LILRB1: variants seen among roughly 807,000 people sequenced by gnomAD.
The protein encoded by LILRB1 is leukocyte immunoglobulin like receptor B1.
In LILRB1, 59 loss-of-function variants were observed where a neutral mutation model predicts 74.6. The ratio of observed to expected loss-of-function variants is 0.79; its 90% CI spans 0.64 to 0.98. The LOEUF is 0.98. Ranked by LOEUF, LILRB1 falls within the 50% of genes least tolerant of loss-of-function variation. The probability of loss-of-function intolerance (pLI) is 0.00; values close to 1 mark genes in which losing one functional copy is unlikely to be tolerated. For synonymous variants in LILRB1, 328 were observed against 333.9 expected, an observed-to-expected ratio of 0.98 and a Z score of 0.19; for missense variants, 804 against 822.6, an observed-to-expected ratio of 0.98 and a Z score of 0.28.
chr19:54,628,581 C>T (rs941967379), upstream of LILRB1, among the ~76,000 whole-genome samples: 6 of 152,144 alleles, frequency 3.9e-5, no homozygotes, highest in African/African-American at 1.2e-4. Context: ...ACAAAGCACA[C>T]TGCAGAGGAC....
chr19:54,629,650 G>T (rs1297109931), upstream of LILRB1, among the ~76,000 whole-genome samples: 1 of 150,642 alleles, frequency 6.6e-6, no homozygotes, highest in Non-Finnish European at 1.5e-5. Context: ...TGTAGCTGGA[G>T]GACGCAGCCT....
intron 8 of LILRB1, 25 bp downstream of exon 8, chr19:54,633,713 C>G (rs2064127959): frequency 3.1e-6 from 5 of 1,608,210 alleles, no homozygotes; most frequent in African/African-American, 1.3e-5. Flanking sequence ...CTTCTGAACT[C>G]AAGGGAGTGC....
chr19:54,628,497 A>G (rs1247815239), upstream of LILRB1, among the ~76,000 whole-genome samples: 1 of 152,012 alleles, frequency 6.6e-6, no homozygotes, highest in East Asian at 1.9e-4. Context: ...CCCTATGACC[A>G]CCTCTTTGGG....
intron 1 of LILRB1, 45 bp from the exon 2 acceptor site, chr19:54,630,981 C>A: frequency 1.3e-6 from 2 of 1,558,492 alleles, no homozygotes; most frequent in South Asian, 2.3e-5. Context: ...AAGAAGGACC[C>A]AGCCTCCGAT....
At chr19:54,618,575 C>G (rs867096640) in intron 1 of LILRB1, among the ~76,000 whole-genome samples, 1 of 152,054 alleles carries the variant, frequency 6.6e-6, no homozygotes, top group Non-Finnish European at 1.5e-5. Context: ...TTTGGGAGGC[C>G]GAGGCTGGTG....
At chr19:54,617,036 C>T (rs2063326323), upstream of LILRB1, 1 of 152,264 alleles carries the variant, frequency 6.6e-6, no homozygotes, top group African/African-American at 2.4e-5. Context: ...GAAACTGAGA[C>T]ACATGAGAGG....
At chr19:54,634,565 G>T in intron 9 of LILRB1, 76 bp from the exon 10 acceptor site, 1 of 1,532,842 alleles carries the variant, frequency 6.5e-7, no homozygotes, top group Non-Finnish European at 8.8e-7. Flanking sequence ...TGAACAGAAG[G>T]TCCAGCAGTC....
rs561805224 is a variant in LILRB1 at position 54,637,733 on chromosome 19, T to G, written c.*855T>G. Reference sequence around the variant, plus strand: ...TCACACTCATGAATTCTAACTACAATGAAAAAGAGAAAGAAAGAGCAGGCA... The same window carrying G: ...TCACACTCATGAATTCTAACTACAAGGAAAAAGAGAAAGAAAGAGCAGGCA... On this transcript the variant is annotated 3_prime_UTR_variant, in exon 15 of 15. Transcript: ENST00000324602. Among the ~76,000 whole-genome samples, 2 of 151,806 alleles carry G rather than the reference T, an allele frequency of 1.3e-5. No homozygotes were observed. The highest frequency in any genetic ancestry group is 2.4e-5 in the African/African-American group (1 of 41,274).
In LILRB1 at chr19:54,631,731, G is replaced by A. The variant is rs769310682; in HGVS notation, c.302G>A (p.Gly101Asp). The change falls in exon 4 of 15, where the codon GGT becomes GAT. Residue 101 changes from glycine (G) to aspartate (D), a missense_variant. Transcript: ENST00000324602. ...EHTGRYRCYY[G>D]SDTAGRSESS... Reference sequence around the variant, plus strand: ...ACAGGGCGGTATCGCTGTTACTATGGTAGCGACACTGCAGGCCGCTCAGAG... The same window carrying A: ...ACAGGGCGGTATCGCTGTTACTATGATAGCGACACTGCAGGCCGCTCAGAG... 9.3e-6 allele frequency: 15 copies of A among 1,614,162 alleles called. No homozygotes were observed. The highest frequency in any genetic ancestry group is 8.3e-5 in the Admixed American group (5 of 60,014).
At chr19:54,636,309 G>C (rs538326944) in intron 13 of LILRB1, 185 bp from the exon 14 acceptor site, 2 of 1,241,096 alleles carry the variant, frequency 1.6e-6, no homozygotes, top group South Asian at 1.6e-5. Flanking sequence ...AATGGGCAAC[G>C]TCAGAGTGAG....
Position 54,637,838 on chromosome 19 carries a change from CG to C in LILRB1, c.*962del, listed in dbSNP as rs2064559183. On this transcript the variant is annotated 3_prime_UTR_variant, in exon 15 of 15. Coordinates refer to ENST00000324602, the MANE Select transcript of LILRB1 (RefSeq NM_001081637.3). Reference sequence around the variant, plus strand: ...TTTCCAAAACTAACAATGGAACAGGCGGCAAACCTATGCCAATATACTAGAA... The same window carrying C: ...TTTCCAAAACTAACAATGGAACAGGCGCAAACCTATGCCAATATACTAGAA... 6.6e-6 allele frequency among the ~76,000 whole-genome samples: 1 copy of C among 152,116 alleles called. No homozygotes were observed. Among genetic ancestry groups the C allele is most frequent in the Admixed American group, 6.5e-5 (1 of 15,280 alleles).
rs549867302 is a variant in LILRB1 at position 54,635,053 on chromosome 19, G to A, written c.1487-51G>A. 1.4e-4 allele frequency: 182 copies of A among 1,273,432 alleles called. No individual in the cohort carries two copies. In the African/African-American group the frequency reaches 1.9e-3, roughly 13 times the overall value. 78.9% of individuals were successfully genotyped at this position (1,273,432 alleles called of 1,614,324 possible). On this transcript the variant is annotated intron_variant, in intron 10 of 14. Coordinates refer to ENST00000324602, the MANE Select transcript of LILRB1 (RefSeq NM_001081637.3). ...CTTACCTTCGAGCTGTGTGTGCAGG[G>A]CAGGGGGCTCCAATGTTCCCAGGGC... is the stretch of plus-strand genomic sequence containing the variant.
Position 54,632,674 on chromosome 19 carries a change from A to G in LILRB1, c.872A>G (p.Tyr291Cys), listed in dbSNP as rs573403931. The G allele has an allele frequency of 1.4e-5, 23 of 1,613,562 alleles. No individual in the cohort carries two copies. The East Asian group carries it at 2.2e-4, about 16-fold the overall frequency. ...ACCCTGGGCCCTGTGAGCCGCTCCT[A>G]CGGGGGCCAGTACAGATGCTACGGT... ...NFTLGPVSRS[Y>C]GGQYRCYGAH... The change falls in exon 6 of 15, where the codon TAC becomes TGC. Residue 291 changes from tyrosine (Y) to cysteine (C), a missense_variant. Physicochemically the swap from Tyr to Cys is radical, Grantham distance 194. Coordinates refer to ENST00000324602, the MANE Select transcript of LILRB1 (RefSeq NM_001081637.3).
rs1466853146 is a variant in LILRB1, at chr19:54,633,222, TCAGCC to T, written c.1168_1172del (p.Ala390CysfsTer22). 1 of 1,614,068 alleles carries T rather than the reference TCAGCC, an allele frequency of 6.2e-7. No individual in the cohort carries two copies. The highest frequency in any genetic ancestry group is 8.5e-7 in the Non-Finnish European group (1 of 1,180,040). On this transcript the variant is annotated frameshift_variant, in exon 7 of 15. Transcript: ENST00000324602. LOFTEE classifies it high-confidence loss of function. ...TGAATTCCCCATGGGTCCTGTGACC[TCAGCC>T]CATGCGGGGACCTACAGGTGCTACG...
intron 9 of LILRB1, 55 bp downstream of exon 9, chr19:54,634,076 G>T (rs996777725): frequency 3.2e-6 from 5 of 1,558,188 alleles, no homozygotes; most frequent in South Asian, 2.4e-5. Flanking sequence ...GGCAGGGGTG[G>T]GTTCTGTCCT....
Position 54,630,835 on chromosome 19 carries a change from A to G in LILRB1, c.-48-191A>G, listed in dbSNP as rs1046928987. On this transcript the variant is annotated intron_variant, in intron 1 of 14. Transcript: ENST00000324602. Reference sequence around the variant, plus strand: ...GACAGACGGTGGCTGGGGGTCAGGAAAGGGCCCATTACCATCTGAAATGAT... The same window carrying G: ...GACAGACGGTGGCTGGGGGTCAGGAGAGGGCCCATTACCATCTGAAATGAT... 7 of 814,826 alleles carry G rather than the reference A, an allele frequency of 8.6e-6. No homozygotes were observed. In the Admixed American group the frequency reaches 1.6e-4, roughly 18 times the overall value. 50.5% of individuals were successfully genotyped at this position (814,826 alleles called of 1,614,324 possible).
At chr19:54,633,391 T>C in intron 7 of LILRB1, 73 bp downstream of exon 7, 1 of 1,539,526 alleles carries the variant, frequency 6.5e-7, no homozygotes, top group South Asian at 1.3e-5. Context: ...AGCTCTGGGC[T>C]GGGATGGAGT....
At chr19:54,631,440 C>G in intron 3 of LILRB1, 60 bp from the exon 4 acceptor site, 2 of 1,600,242 alleles carry the variant, frequency 1.2e-6, no homozygotes, top group Non-Finnish European at 1.7e-6. Flanking sequence ...GGGCTGAGAG[C>G]TGGAATCTGC....
Position 54,631,512 on chromosome 19 carries a change from A to G in LILRB1, c.83A>G (p.Lys28Arg). 1 of 1,612,160 alleles carries G rather than the reference A, an allele frequency of 6.2e-7. No homozygotes were observed. Among genetic ancestry groups the G allele is most frequent in the Non-Finnish European group, 8.5e-7 (1 of 1,178,858 alleles). The change falls in exon 4 of 15, where the codon AAG becomes AGG. Residue 28 changes from lysine to arginine, a missense_variant. Lys to Arg is a conservative substitution (Grantham distance 26). Coordinates refer to ENST00000324602, the MANE Select transcript of LILRB1 (RefSeq NM_001081637.3). ...GATTTCCTTCCAGGGCACCTCCCCA[A>G]GCCCACCCTCTGGGCTGAACCAGGC... ...RTHVQAGHLP[K>R]PTLWAEPGSV...
Sources: gnomAD v4.1 joint callset for allele counts (sites outside exome capture counted in the v4.1 genomes callset) on GRCh38, gnomAD v4.1.1 for gene constraint, MANE v1.5 for transcripts, NCBI Gene and HGNC (gene_info 2026-07-23, HGNC 2026-07-21) for gene names.